The following FRMPD4 variants were observed in gnomAD, a reference collection of about 807,000 sequenced individuals.
FRMPD4 encodes FERM and PDZ domain containing 4.
A neutral mutation model predicts 94.1 loss-of-function variants in FRMPD4; 22 were observed. That is an observed-to-expected ratio of 0.23 (90% CI 0.17 to 0.33). FRMPD4 has a LOEUF of 0.33. FRMPD4 is among the 10% of genes least tolerant of loss of function. The pLI is 1.00. For synonymous variants in FRMPD4, 631 were observed against 548.6 expected, an observed-to-expected ratio of 1.15 and a Z score of -2.10; for missense variants, 1,111 against 1,339.9, an observed-to-expected ratio of 0.83 and a Z score of 2.67.
At chrX:12,059,529 G>C (rs1022432306) in intron 3 of FRMPD4, among the ~76,000 whole-genome samples, 2 of 110,064 alleles carry the variant, frequency 1.8e-5, no homozygotes, top group Non-Finnish European at 3.8e-5. Flanking sequence ...GTTATATTGC[G>C]TGATGATGAG....
intron 2 of FRMPD4, among the ~76,000 whole-genome samples, chrX:12,507,409 A>G (rs1039865149): frequency 8.9e-6 from 1 of 112,104 alleles, no homozygotes; most frequent in Admixed American, 9.4e-5. Context: ...ATAAATGGAC[A>G]TGGTTGTGTT....
chrX:12,497,929 G>A (rs749627482), intron 1 of FRMPD4, among the ~76,000 whole-genome samples: 1 of 111,054 alleles, frequency 9.0e-6, no homozygotes, highest in African/African-American at 3.3e-5. Context: ...TAGTGCGAGA[G>A]TGCCCAGCTG....
At chrX:12,515,210 G>A (rs770762218) in intron 2 of FRMPD4, among the ~76,000 whole-genome samples, 9 of 111,347 alleles carry the variant, frequency 8.1e-5, no homozygotes, top group Non-Finnish European at 1.3e-4. Flanking sequence ...CTTCAGTTCT[G>A]CTCTGATCTT....
chrX:12,214,860 T>C (rs779427962), intron 1 of FRMPD4, among the ~76,000 whole-genome samples: 10 of 110,699 alleles, frequency 9.0e-5, no homozygotes, highest in East Asian at 2.8e-4. Context: ...ATGTGACATA[T>C]ATAATTTTGT....
intron 3 of FRMPD4, among the ~76,000 whole-genome samples, chrX:11,964,609 T>A (rs907131433): frequency 4.5e-5 from 5 of 112,150 alleles, no homozygotes; most frequent in Admixed American, 1.9e-4. Flanking sequence ...TAAGGAGAAT[T>A]GAGACACTGT....
At position 11,848,092 on chromosome X, in the gene FRMPD4, A is replaced by G. The variant is rs183060047; in HGVS notation, c.-160-16994A>G. 1.2e-3 allele frequency among the ~76,000 whole-genome samples: 128 copies of G among 110,806 alleles called. No homozygotes were observed. In the East Asian group the frequency reaches 0.029, roughly 25 times the overall value. The stretch of plus-strand genomic sequence containing the variant: ...GAAAAATAATATGATTAGGAGAAAG[A>G]AAGAACAAATACGTCCTTTGTTTTT... On this transcript the variant is annotated intron_variant, in intron 1 of 18. Coordinates refer to the FRMPD4 transcript ENST00000640291.
At chrX:12,474,742 C>T (rs2057570526) in intron 1 of FRMPD4, among the ~76,000 whole-genome samples, 1 of 111,085 alleles carries the variant, frequency 9.0e-6, no homozygotes, top group Non-Finnish European at 1.9e-5. Flanking sequence ...ACACATACAC[C>T]CTCCCAAGAC....
At chrX:12,454,013 G>A (rs1353076266) in intron 1 of FRMPD4, among the ~76,000 whole-genome samples, 1 of 112,418 alleles carries the variant, frequency 8.9e-6, no homozygotes, top group Non-Finnish European at 1.9e-5. Context: ...ATATGGTGCA[G>A]GAAAGCTTTG....
intron 3 of FRMPD4, among the ~76,000 whole-genome samples, chrX:12,054,387 C>T (rs758755303): frequency 1.8e-5 from 2 of 110,925 alleles, no homozygotes; most frequent in South Asian, 7.8e-4. Context: ...GCCAGCACCT[C>T]CCTCTGCTCC....
At chrX:12,343,495 G>C (rs945497878) in intron 1 of FRMPD4, among the ~76,000 whole-genome samples, 6 of 110,901 alleles carry the variant, frequency 5.4e-5, no homozygotes, top group African/African-American at 2.0e-4. Context: ...GGATGTAAGA[G>C]TTGAAATTGC....
intron 2 of FRMPD4, among the ~76,000 whole-genome samples, chrX:12,587,760 G>C (rs1194763978): frequency 9.0e-6 from 1 of 110,734 alleles, no homozygotes. Flanking sequence ...TGCTGTAAAC[G>C]ATCATGTACA....
intron 1 of FRMPD4, among the ~76,000 whole-genome samples, chrX:12,495,444 C>T (rs746924261): frequency 3.7e-4 from 41 of 111,673 alleles, no homozygotes; most frequent in African/African-American, 1.3e-3. Flanking sequence ...GGAAAATAAA[C>T]GGCAGAGCCT....
At chrX:12,006,837 A>G (rs768200957) in intron 3 of FRMPD4, among the ~76,000 whole-genome samples, 1 of 111,976 alleles carries the variant, frequency 8.9e-6, no homozygotes, top group Non-Finnish European at 1.9e-5. Context: ...AAACTAGAGG[A>G]AGGGCCCATC....
intron 3 of FRMPD4, among the ~76,000 whole-genome samples, chrX:11,932,602 G>A (rs2054127863): frequency 9.1e-6 from 1 of 110,072 alleles, no homozygotes; most frequent in Non-Finnish European, 1.9e-5. Context: ...GTAAAACTGT[G>A]TACTAGGTAT....
intron 3 of FRMPD4, among the ~76,000 whole-genome samples, chrX:12,131,790 G>C (rs2055554588): frequency 8.9e-6 from 1 of 111,811 alleles, no homozygotes; most frequent in Non-Finnish European, 1.9e-5. Context: ...TCATCACTTA[G>C]CTTTTCTGGT....
chrX:12,440,701 GGA>G (rs1227001669), intron 1 of FRMPD4, among the ~76,000 whole-genome samples: 1 of 110,854 alleles, frequency 9.0e-6, no homozygotes, highest in Non-Finnish European at 1.9e-5. Context: ...TGGGGACTTG[GGA>G]GGGGGGGGAG....
chrX:12,582,398 T>C (rs748887745), intron 2 of FRMPD4, among the ~76,000 whole-genome samples: 1 of 112,238 alleles, frequency 8.9e-6, no homozygotes, highest in Non-Finnish European at 1.9e-5. Context: ...CTATTCAGAA[T>C]GTGCTTCACA....
chrX:11,978,441 A>C (rs1419414925), intron 3 of FRMPD4, among the ~76,000 whole-genome samples: 1 of 110,659 alleles, frequency 9.0e-6, no homozygotes, highest in African/African-American at 3.3e-5. Context: ...AGAATACTGC[A>C]GCATATCTGC....
At chrX:11,966,409 T>C (rs371518073) in intron 3 of FRMPD4, among the ~76,000 whole-genome samples, 1 of 111,557 alleles carries the variant, frequency 9.0e-6, no homozygotes, top group East Asian at 2.8e-4. Flanking sequence ...ACCAAACACT[T>C]AATCTGTTGG....
Sources: gnomAD v4.1 joint callset for allele counts (sites outside exome capture counted in the v4.1 genomes callset) on GRCh38, gnomAD v4.1.1 for gene constraint, MANE v1.5 for transcripts, NCBI Gene and HGNC (gene_info 2026-07-23, HGNC 2026-07-21) for gene names.